The following PTPRR variants were observed in gnomAD, a reference collection of about 807,000 sequenced individuals.
PTPRR encodes receptor-type tyrosine-protein phosphatase R.
A neutral mutation model predicts 77.2 loss-of-function variants in PTPRR; 38 were observed. The observed-to-expected ratio is 0.49, with a 90% CI of 0.38 to 0.65. The LOEUF (loss-of-function observed/expected upper bound fraction) is 0.65, where lower values mean the gene tolerates loss of function less well. Ranked by LOEUF, PTPRR falls within the 30% of genes least tolerant of loss-of-function variation. PTPRR has a pLI of 0.00. For synonymous variants in PTPRR, 299 were observed against 283.1 expected, an observed-to-expected ratio of 1.06 and a Z score of -0.57; for missense variants, 744 against 799.2, an observed-to-expected ratio of 0.93 and a Z score of 0.83.
intron 10 of PTPRR, among the ~76,000 whole-genome samples, chr12:70,676,220 G>C (rs1370019223): frequency 6.6e-6 from 1 of 151,136 alleles, no homozygotes; most frequent in Non-Finnish European, 1.5e-5. Flanking sequence ...ATTTTCCTTA[G>C]CTTTATATTT....
chr12:70,809,435 C>T (rs1261497574), intron 2 of PTPRR, among the ~76,000 whole-genome samples: 1 of 152,152 alleles, frequency 6.6e-6, no homozygotes, highest in East Asian at 1.9e-4. Context: ...TTGGTTTTTG[C>T]TGCTGAATGC....
rs370373597 is a variant in PTPRR, at chr12:70,920,459, A to C, written c.-69T>G. 8.8e-6 allele frequency: 13 copies of C among 1,472,368 alleles called. No homozygotes were observed. The highest frequency in any genetic ancestry group is 2.3e-5 in the East Asian group (1 of 42,618). 91.2% of individuals were successfully genotyped at this position (1,472,368 alleles called of 1,614,324 possible). A position where few individuals can be genotyped will look rare whatever the true frequency, so the allele number is the denominator to read the frequency against. ...CACTTCAGGTAAAGTGCTATTAGAAAGAGCCACCGCCAAGGGTCTTCTAGT... is the reference window on the plus strand; with the variant it reads ...CACTTCAGGTAAAGTGCTATTAGAACGAGCCACCGCCAAGGGTCTTCTAGT... On this transcript the variant is annotated 5_prime_UTR_variant, in exon 1 of 14. Coordinates refer to ENST00000283228, the MANE Select transcript of PTPRR (RefSeq NM_002849.4).
intron 10 of PTPRR, among the ~76,000 whole-genome samples, chr12:70,668,891 C>T (rs1443952070): frequency 6.6e-6 from 1 of 152,108 alleles, no homozygotes; most frequent in East Asian, 1.9e-4. Flanking sequence ...TCCAAAAAAA[C>T]TTTCTTGGAA....
intron 6 of PTPRR, among the ~76,000 whole-genome samples, chr12:70,720,162 C>T (rs749921529): frequency 6.6e-6 from 1 of 152,160 alleles, no homozygotes; most frequent in East Asian, 1.9e-4. Flanking sequence ...AAAGAAAAAT[C>T]CTCGGGTGCC....
chr12:70,879,819 G>A (rs888013343), intron 2 of PTPRR, among the ~76,000 whole-genome samples: 9 of 151,826 alleles, frequency 5.9e-5, no homozygotes, highest in African/African-American at 1.9e-4. Context: ...GCAAAAACAC[G>A]CATAATACAA....
chr12:70,666,993 T>G (rs1203657515), intron 10 of PTPRR, among the ~76,000 whole-genome samples: 1 of 127,500 alleles, frequency 7.8e-6, no homozygotes, highest in African/African-American at 3.1e-5. Flanking sequence ...TCTCGCTCTG[T>G]CACTCAGGCT....
intron 6 of PTPRR, among the ~76,000 whole-genome samples, chr12:70,723,968 C>T (rs1165624719): frequency 6.6e-6 from 1 of 151,918 alleles, no homozygotes; most frequent in African/African-American, 2.4e-5. Context: ...AGAGACTCCC[C>T]AAAATTAGAC....
intron 6 of PTPRR, among the ~76,000 whole-genome samples, chr12:70,703,022 C>T (rs1277230661): frequency 1.3e-5 from 2 of 150,836 alleles, no homozygotes; most frequent in African/African-American, 4.9e-5. Context: ...TTATTCCAAC[C>T]TATTCTTTCC....
intron 8 of PTPRR, among the ~76,000 whole-genome samples, chr12:70,694,728 C>T (rs1029914698): frequency 4.6e-5 from 7 of 151,912 alleles, no homozygotes; most frequent in African/African-American, 1.5e-4. Context: ...GGTGTCATGC[C>T]GTCAGAAGAA....
At chr12:70,714,890 G>C (rs966509569) in intron 6 of PTPRR, among the ~76,000 whole-genome samples, 1 of 152,068 alleles carries the variant, frequency 6.6e-6, no homozygotes. Context: ...GAGGCTGAGT[G>C]GGAAGATCGC....
chr12:70,698,577 T>C (rs141854036), intron 7 of PTPRR, among the ~76,000 whole-genome samples: 81 of 152,294 alleles, frequency 5.3e-4, no homozygotes, highest in African/African-American at 1.7e-3. Flanking sequence ...TTGCTTAATA[T>C]GTAGTCAGTA....
intron 2 of PTPRR, among the ~76,000 whole-genome samples, chr12:70,794,891 T>C (rs1891484442): frequency 1.3e-5 from 2 of 150,902 alleles, no homozygotes; most frequent in South Asian, 4.1e-4. Flanking sequence ...AGCAGAAAAC[T>C]TCACTTCTGC....
At chr12:70,667,344 A>C (rs1305022725) in intron 10 of PTPRR, among the ~76,000 whole-genome samples, 1 of 152,198 alleles carries the variant, frequency 6.6e-6, no homozygotes, top group Non-Finnish European at 1.5e-5. Context: ...TGGATTAAAC[A>C]TTAAGGTGCA....
intron 10 of PTPRR, among the ~76,000 whole-genome samples, chr12:70,670,705 G>A (rs1771173525): frequency 6.6e-6 from 1 of 152,146 alleles, no homozygotes; most frequent in Admixed American, 6.5e-5. Flanking sequence ...AAAACTACTT[G>A]CCATTTTGGA....
intron 6 of PTPRR, among the ~76,000 whole-genome samples, chr12:70,720,332 A>G (rs1278224717): frequency 6.6e-6 from 1 of 152,010 alleles, no homozygotes; most frequent in Non-Finnish European, 1.5e-5. Flanking sequence ...GAGATGATAT[A>G]ATTTACCCAC....
chr12:70,847,342 A>G (rs751831415), intron 2 of PTPRR, among the ~76,000 whole-genome samples: 1 of 152,216 alleles, frequency 6.6e-6, no homozygotes, highest in African/African-American at 2.4e-5. Context: ...TCAAACCACA[A>G]ACATAATCAA....
chr12:70,646,871 C>CA (rs1192383869), intron 13 of PTPRR, among the ~76,000 whole-genome samples: 1 of 150,126 alleles, frequency 6.7e-6, no homozygotes, highest in Non-Finnish European at 1.5e-5. Context: ...GTTTTGGAAA[C>CA]AAAAAATATG....
At chr12:70,771,823 GC>G (rs1890984759) in intron 2 of PTPRR, among the ~76,000 whole-genome samples, 1 of 152,108 alleles carries the variant, frequency 6.6e-6, no homozygotes, top group Admixed American at 6.5e-5. Context: ...ATAGTGATTT[GC>G]TGCCAGTGCA....
chr12:70,665,083 C>T (rs1320813765), intron 10 of PTPRR, among the ~76,000 whole-genome samples: 1 of 152,104 alleles, frequency 6.6e-6, no homozygotes, highest in Non-Finnish European at 1.5e-5. Context: ...ACTGTGAAAC[C>T]ACACTAATTG....
Sources: gnomAD v4.1 joint callset for allele counts (sites outside exome capture counted in the v4.1 genomes callset) on GRCh38, gnomAD v4.1.1 for gene constraint, MANE v1.5 for transcripts, NCBI Gene and HGNC (gene_info 2026-07-23, HGNC 2026-07-21) for gene names.